The following PACC1 variants were observed in gnomAD, a reference collection of about 807,000 sequenced individuals.
PACC1 encodes the protein proton activated chloride channel 1.
In PACC1, 34 loss-of-function variants were observed where a neutral mutation model predicts 39.7. The observed-to-expected ratio is 0.86, with a 90% CI of 0.65 to 1.14. The LOEUF (loss-of-function observed/expected upper bound fraction) is 1.14. PACC1 is among the 50% of genes most tolerant of loss of function. The probability of loss-of-function intolerance (pLI) is 0.00; values close to 1 mark genes in which losing one functional copy is unlikely to be tolerated. For missense variants in PACC1, 379 were observed against 436.4 expected (o/e 0.87, Z 1.17); for synonymous variants, 127 against 160.6 (o/e 0.79, Z 1.58).
In PACC1 at chr1:212,387,010, AG is replaced by A; in HGVS notation, c.223del (p.Leu75CysfsTer64). 5.0e-6 allele frequency: 8 copies of A among 1,614,246 alleles called. No homozygotes were observed. Among genetic ancestry groups the A allele is most frequent in the Non-Finnish European group, 6.8e-6 (8 of 1,180,042 alleles). ...VFSVLLIFIY[L>X]LLMAVAVFLV... ...GAAGACGGCCACAGCCATGAGCAGC[AG>A]GTAGATGAAGATGAGTAGGACCGAG... On this transcript the variant is annotated frameshift_variant, in exon 3 of 8. Coordinates refer to ENST00000261455, the MANE Select transcript of PACC1 (RefSeq NM_018252.3). LOFTEE classifies it high-confidence loss of function.
At chr1:212,373,120 A>AG (rs1297026336) in intron 7 of PACC1, among the ~76,000 whole-genome samples, 1 of 152,258 alleles carries the variant, frequency 6.6e-6, no homozygotes. Flanking sequence ...ACAAAGTTAT[A>AG]GTAAACAAAG....
rs748216082 is a variant in PACC1, at chr1:212,375,307, G to A, written c.784-7C>T. 1.9e-6 allele frequency: 3 copies of A among 1,605,674 alleles called. No homozygotes were observed. The highest frequency in any genetic ancestry group is 2.6e-6 in the Non-Finnish European group (3 of 1,172,420). On this transcript the variant is annotated splice_polypyrimidine_tract_variant and splice_region_variant and intron_variant, in intron 6 of 7. Coordinates refer to ENST00000261455, the MANE Select transcript of PACC1 (RefSeq NM_018252.3). ...TGTAGTTAACCACACTTGTCTAGATGTGGAGGAGAGAAAGCAGTGTTACCA... is the reference window on the plus strand; with the variant it reads ...TGTAGTTAACCACACTTGTCTAGATATGGAGGAGAGAAAGCAGTGTTACCA...
At chr1:212,380,328 A>T (rs754645950) in intron 4 of PACC1, among the ~76,000 whole-genome samples, 8 of 152,180 alleles carry the variant, frequency 5.3e-5, no homozygotes, top group Admixed American at 3.9e-4. Context: ...TTCATCTGTT[A>T]TGTGTGCCAA....
chr1:212,404,167 C>A (rs551256268), intron 2 of PACC1, among the ~76,000 whole-genome samples: 1 of 151,816 alleles, frequency 6.6e-6, no homozygotes, highest in Non-Finnish European at 1.5e-5. Flanking sequence ...AGTACAGTGG[C>A]GCGATCTCAG....
chr1:212,372,181 A>G (rs1660482594), intron 7 of PACC1, among the ~76,000 whole-genome samples: 1 of 151,912 alleles, frequency 6.6e-6, no homozygotes, highest in African/African-American at 2.4e-5. Context: ...GCTACTCAGG[A>G]GGCTGAAGCA....
At chr1:212,397,337 C>T (rs893674074) in intron 2 of PACC1, among the ~76,000 whole-genome samples, 1 of 152,144 alleles carries the variant, frequency 6.6e-6, no homozygotes. Flanking sequence ...TCAATAATCA[C>T]ATCAAATGTA....
rs1660710290 is a variant in PACC1, at chr1:212,377,551, G to A, written c.783+11C>T. The A allele has an allele frequency of 6.2e-7, 1 of 1,613,742 alleles. No homozygotes were observed. Among genetic ancestry groups the A allele is most frequent in the Non-Finnish European group, 8.5e-7 (1 of 1,179,826 alleles). On this transcript the variant is annotated intron_variant, in intron 6 of 7. Transcript: ENST00000261455. ...TCACCAGCAGTTTCAAGCAAACCCA[G>A]AGCCACCTACCTCCTGCCGGAACTC...
intron 1 of PACC1, 111 bp downstream of exon 1, chr1:212,414,611 G>A: frequency 1.5e-6 from 2 of 1,372,582 alleles, no homozygotes; most frequent in Non-Finnish European, 2.0e-6. Context: ...CGGTCCCTCG[G>A]AAGAGCCCTC....
chr1:212,407,546 G>A (rs1661961530), intron 2 of PACC1, among the ~76,000 whole-genome samples: 1 of 152,210 alleles, frequency 6.6e-6, no homozygotes, highest in Non-Finnish European at 1.5e-5. Context: ...TAGGGCTTTA[G>A]AGGCAATGCC....
chr1:212,393,428 T>C (rs1661399588), intron 2 of PACC1, among the ~76,000 whole-genome samples: 1 of 152,148 alleles, frequency 6.6e-6, no homozygotes, highest in Non-Finnish European at 1.5e-5. Context: ...CTGGGACACA[T>C]TTAAAGCAGT....
chr1:212,387,242 A>C, intron 2 of PACC1, 142 bp from the exon 3 acceptor site: 2 of 705,672 alleles, frequency 2.8e-6, no homozygotes, highest in Non-Finnish European at 4.7e-6. Flanking sequence ...CACCCCACAA[A>C]TCATAACAAA....
At chr1:212,413,243 T>C (rs1225110463) in intron 1 of PACC1, among the ~76,000 whole-genome samples, 2 of 152,096 alleles carry the variant, frequency 1.3e-5, no homozygotes, top group Admixed American at 6.6e-5. Flanking sequence ...AAGGCCAGAT[T>C]CCAGCCAAGA....
chr1:212,410,606 T>C (rs1208112324), intron 1 of PACC1, 85 bp from the exon 2 acceptor site: 6 of 1,254,574 alleles, frequency 4.8e-6, no homozygotes, highest in Non-Finnish European at 7.0e-6. Context: ...CAGAAGCTGC[T>C]TGTCACTTAA....
At chr1:212,373,096 C>T (rs1660519031) in intron 7 of PACC1, among the ~76,000 whole-genome samples, 9 of 152,168 alleles carry the variant, frequency 5.9e-5, no homozygotes, top group Admixed American at 5.9e-4. Context: ...CACTACCTGA[C>T]TTCAAAATAT....
chr1:212,385,460 A>G, intron 3 of PACC1, 35 bp from the exon 4 acceptor site: 1 of 1,612,590 alleles, frequency 6.2e-7, no homozygotes, highest in Non-Finnish European at 8.5e-7. Context: ...AGTGTCAGAA[A>G]TCACACTCCT....
At chr1:212,381,337 T>A (rs1287614063) in intron 4 of PACC1, among the ~76,000 whole-genome samples, 1 of 152,238 alleles carries the variant, frequency 6.6e-6, no homozygotes, top group Non-Finnish European at 1.5e-5. Context: ...TTCCACACTA[T>A]TAATATTGTC....
chr1:212,395,134 T>C (rs1200061741), intron 2 of PACC1, among the ~76,000 whole-genome samples: 1 of 152,116 alleles, frequency 6.6e-6, no homozygotes, highest in Non-Finnish European at 1.5e-5. Flanking sequence ...GCCAAGTCAA[T>C]CCTAAGCCAA....
rs1398534840 is a variant in PACC1, at chr1:212,385,267, G to A, written c.495+7C>T. ...GCCCAGACCCAGCTCAGGCAGACAG[G>A]AATTACCACAGTCTGATTGGAGAAG... On this transcript the variant is annotated splice_region_variant and intron_variant, in intron 4 of 7. Transcript: ENST00000261455. 2.5e-6 allele frequency: 4 copies of A among 1,613,692 alleles called. No homozygotes were observed. In the African/African-American group the frequency reaches 5.3e-5, roughly 22 times the overall value.
At chr1:212,374,727 A>G (rs1660584699) in intron 7 of PACC1, among the ~76,000 whole-genome samples, 1 of 152,162 alleles carries the variant, frequency 6.6e-6, no homozygotes, top group African/African-American at 2.4e-5. Flanking sequence ...TTAATATTTT[A>G]TTTGTACCAT....
Sources: gnomAD v4.1 joint callset for allele counts (sites outside exome capture counted in the v4.1 genomes callset) on GRCh38, gnomAD v4.1.1 for gene constraint, MANE v1.5 for transcripts, NCBI Gene and HGNC (gene_info 2026-07-23, HGNC 2026-07-21) for gene names.